The following RARB variants were observed in gnomAD, a reference collection of about 807,000 sequenced individuals.
RARB encodes the protein HBV-activated protein.
In RARB, 17 loss-of-function variants were observed where a neutral mutation model predicts 51.9. The ratio of observed to expected loss-of-function variants is 0.33; its 90% confidence interval spans 0.22 to 0.49. The LOEUF (loss-of-function observed/expected upper bound fraction) is 0.49, where lower values mean the gene tolerates loss of function less well. Ranked by LOEUF, RARB falls within the 20% of genes least tolerant of loss-of-function variation. RARB has a pLI of 0.99. For synonymous variants in RARB, 215 were observed against 195.4 expected (o/e 1.10, Z -0.84); for missense variants, 369 against 550.8 (o/e 0.67, Z 3.30).
At chr3:25,472,766 T>G (rs1381863338) in intron 2 of RARB, among the ~76,000 whole-genome samples, 2 of 152,224 alleles carry the variant, frequency 1.3e-5, no homozygotes, top group African/African-American at 4.8e-5. Flanking sequence ...TTCATTCAGC[T>G]TTGACATTTT....
intron 2 of RARB, among the ~76,000 whole-genome samples, chr3:24,998,205 C>G (rs1391495028): frequency 6.6e-6 from 1 of 150,858 alleles, no homozygotes; most frequent in Non-Finnish European, 1.5e-5. Flanking sequence ...AGTTCTTGGG[C>G]TAATTTAGCT....
chr3:25,465,041 C>T (rs571151985), intron 2 of RARB, among the ~76,000 whole-genome samples: 1 of 151,834 alleles, frequency 6.6e-6, no homozygotes, highest in Non-Finnish European at 1.5e-5. Context: ...CTGAAAATTT[C>T]CTTAGGATAA....
chr3:25,376,892 C>T (rs1039783201), intron 5 of RARB, among the ~76,000 whole-genome samples: 1 of 152,170 alleles, frequency 6.6e-6, no homozygotes, highest in Non-Finnish European at 1.5e-5. Context: ...CATTTCTAAC[C>T]CCCTATGTCT....
intron 4 of RARB, among the ~76,000 whole-genome samples, chr3:25,142,348 T>TA (rs955791356): frequency 2.3e-4 from 34 of 149,108 alleles, no homozygotes; most frequent in African/African-American, 3.2e-4. Context: ...AAAGAAATAA[T>TA]AAAAAAAAAA....
intron 3 of RARB, among the ~76,000 whole-genome samples, chr3:25,080,468 A>G (rs189293610): frequency 2.6e-5 from 4 of 152,330 alleles, no homozygotes; most frequent in East Asian, 3.9e-4. Flanking sequence ...GTAATTTTAC[A>G]TCTACCTTTT....
At chr3:25,415,989 C>A (rs762618233) in intron 5 of RARB, among the ~76,000 whole-genome samples, 22 of 152,288 alleles carry the variant, frequency 1.4e-4, no homozygotes, top group Non-Finnish European at 2.8e-4. Flanking sequence ...AAGGAACACA[C>A]AGCAATGGAC....
chr3:25,120,477 G>T (rs959988849), intron 3 of RARB, among the ~76,000 whole-genome samples: 12 of 150,722 alleles, frequency 8.0e-5, no homozygotes, highest in African/African-American at 2.9e-4. Flanking sequence ...GTAAAACACT[G>T]TATGGGTCAG....
At chr3:25,317,350 G>A (rs1559355124) in intron 5 of RARB, among the ~76,000 whole-genome samples, 2 of 152,112 alleles carry the variant, frequency 1.3e-5, no homozygotes, top group Non-Finnish European at 2.9e-5. Flanking sequence ...AATGGGAAAT[G>A]TAATCTGGTC....
At chr3:24,989,034 C>T (rs982515194) in intron 2 of RARB, among the ~76,000 whole-genome samples, 7 of 152,154 alleles carry the variant, frequency 4.6e-5, no homozygotes, top group Admixed American at 3.3e-4. Flanking sequence ...CCACGTTGGC[C>T]AGGCTGGTCT....
chr3:25,177,004 T>C (rs1700767982), intron 5 of RARB, among the ~76,000 whole-genome samples: 1 of 152,152 alleles, frequency 6.6e-6, no homozygotes, highest in South Asian at 2.1e-4. Flanking sequence ...GAGTGCTAAG[T>C]AACTGCACCT....
At chr3:25,233,766 G>GT (rs59013881) in intron 5 of RARB, among the ~76,000 whole-genome samples, 3,754 of 135,548 alleles carry the variant, frequency 0.028, 139 homozygotes, top group African/African-American at 0.089. Flanking sequence ...TTTGGTTGTT[G>GT]TTTTTTTTTT....
intron 5 of RARB, among the ~76,000 whole-genome samples, chr3:25,378,676 T>C (rs1274102756): frequency 6.6e-6 from 1 of 152,168 alleles, no homozygotes; most frequent in Non-Finnish European, 1.5e-5. Flanking sequence ...CACCAATTTA[T>C]CCGTCTCCAA....
chr3:24,914,704 A>G (rs1425725257), intron 2 of RARB, among the ~76,000 whole-genome samples: 2 of 152,180 alleles, frequency 1.3e-5, no homozygotes, highest in African/African-American at 2.4e-5. Flanking sequence ...TTATGGAATG[A>G]CAAAGTCTGT....
chr3:25,267,879 T>C (rs998466958), intron 5 of RARB, among the ~76,000 whole-genome samples: 7 of 152,206 alleles, frequency 4.6e-5, no homozygotes, highest in Admixed American at 6.6e-5. Context: ...GTTGAGCTAC[T>C]CAGGAATGAG....
intron 3 of RARB, among the ~76,000 whole-genome samples, chr3:25,547,014 G>A (rs777100076): frequency 1.3e-5 from 2 of 152,114 alleles, no homozygotes; most frequent in Non-Finnish European, 2.9e-5. Context: ...CAGCCTTGAT[G>A]GGCTTCCTAA....
chr3:25,515,292 T>C (rs1469638882), intron 3 of RARB, among the ~76,000 whole-genome samples: 1 of 152,160 alleles, frequency 6.6e-6, no homozygotes, highest in Non-Finnish European at 1.5e-5. Flanking sequence ...GTTTGTGAAA[T>C]GTGAAGCAAC....
intron 5 of RARB, among the ~76,000 whole-genome samples, chr3:25,333,231 C>T (rs1350516857): frequency 5.3e-5 from 8 of 152,030 alleles, no homozygotes; most frequent in Non-Finnish European, 8.8e-5. Context: ...CAATCCTAAG[C>T]CAAAAGAACA....
At chr3:25,210,515 A>ATCT (rs1252991263) in intron 5 of RARB, among the ~76,000 whole-genome samples, 2 of 77,576 alleles carry the variant, frequency 2.6e-5, no homozygotes, top group Non-Finnish European at 6.3e-5. Context: ...AAAGCCTGAA[A>ATCT]TCTTTATCTG....
intron 3 of RARB, among the ~76,000 whole-genome samples, chr3:25,093,699 A>C (rs941727698): frequency 3.3e-5 from 5 of 151,928 alleles, no homozygotes; most frequent in African/African-American, 4.8e-5. Flanking sequence ...AGATGTCTTT[A>C]CGGGGTTTTT....
Sources: allele counts gnomAD v4.1 joint callset (sites outside exome capture counted in the v4.1 genomes callset), GRCh38; gene constraint gnomAD v4.1.1; transcripts MANE v1.5; gene names NCBI Gene and HGNC (gene_info 2026-07-23, HGNC 2026-07-21).